Variants in BRPF3 observed in about 807,000 individuals in gnomAD.
The protein encoded by BRPF3 is bromodomain and PHD finger containing 3.
Under a neutral mutation model 102.0 loss-of-function variants are expected in BRPF3, and 18 were observed. The observed-to-expected ratio is 0.18, with a 90% CI of 0.12 to 0.26. The LOEUF (loss-of-function observed/expected upper bound fraction) is 0.26, where lower values mean the gene tolerates loss of function less well. Ranked by LOEUF, BRPF3 falls within the 10% of genes least tolerant of loss-of-function variation. The pLI is 1.00. For missense variants in BRPF3, 1,147 were observed against 1,567.8 expected, an observed-to-expected ratio of 0.73 and a Z score of 4.53; for synonymous variants, 570 against 614.2, an observed-to-expected ratio of 0.93 and a Z score of 1.06.
chr6:36,209,948 CT>C (rs1768041055), intron 5 of BRPF3, 33 bp downstream of exon 5: 2 of 1,611,326 alleles, frequency 1.2e-6, no homozygotes, highest in Non-Finnish European at 1.7e-6. Flanking sequence ...GTAGTAAATT[CT>C]TCTTGAACTG....
Position 36,214,352 on chromosome 6 carries a change from A to AG in BRPF3, c.2959dup (p.Glu987GlyfsTer25). ...GGAGCAGGAGCTGTAGTGAGAGCGA[A>AG]GGGGAGAGGTCCCCCCAGCAGGAGG... is the stretch of plus-strand genomic sequence containing the variant. On this transcript the variant is annotated frameshift_variant, in exon 8 of 13. Coordinates refer to ENST00000357641, the MANE Select transcript of BRPF3 (RefSeq NM_015695.3). LOFTEE classifies it high-confidence loss of function. The AG allele has an allele frequency of 6.2e-7, 1 of 1,604,920 alleles. No homozygotes were observed. The highest frequency in any genetic ancestry group is 8.5e-7 in the Non-Finnish European group (1 of 1,175,416).
chr6:36,207,219 A>C, intron 3 of BRPF3, 94 bp from the exon 4 acceptor site: 2 of 1,513,960 alleles, frequency 1.3e-6, no homozygotes, highest in South Asian at 2.6e-5. Flanking sequence ...GAAGGGGACA[A>C]GACTTTTACC....
chr6:36,208,940 G>C (rs1768000592), intron 4 of BRPF3, among the ~76,000 whole-genome samples: 1 of 152,240 alleles, frequency 6.6e-6, no homozygotes, highest in Non-Finnish European at 1.5e-5. Flanking sequence ...GTGACCCCAT[G>C]CTGACCCAGA....
chr6:36,200,777 T>C lies in BRPF3; in HGVS notation c.455T>C (p.Val152Ala). The C allele has an allele frequency of 6.2e-7, 1 of 1,613,912 alleles. No individual in the cohort carries two copies. The highest frequency in any genetic ancestry group is 8.5e-7 in the Non-Finnish European group (1 of 1,179,986). The change falls in exon 2 of 13, where the codon GTA (valine) becomes GCA (alanine). Residue 152 changes from valine (V) to alanine (A), a missense_variant. Physicochemically the swap from Val to Ala is moderately conservative, Grantham distance 64. Transcript: ENST00000357641. This position sits in a 1 kb window ranked among gnomAD's most constrained non-coding sequence, Gnocchi z 5.3. Reference protein sequence around the residue: ...EKPPEDLDAEVEYDMDEEDLA... With the variant: ...EKPPEDLDAEAEYDMDEEDLA... ...CCACCTGAAGACCTGGATGCAGAGG[T>C]AGAGTATGACATGGATGAGGAGGAC...
At position 36,200,646 on chromosome 6, in the gene BRPF3, T is replaced by G. The variant is rs756832579; in HGVS notation, c.324T>G (p.Ser108=). 4 of 1,614,188 alleles carry G rather than the reference T, an allele frequency of 2.5e-6. No homozygotes were observed. Among genetic ancestry groups the G allele is most frequent in the Non-Finnish European group, 3.4e-6 (4 of 1,180,030 alleles). Residue 108 remains serine, a synonymous_variant, in exon 2 of 13, where the codon TCT becomes TCG. Transcript: ENST00000357641. The surrounding 1 kb of genome is among the most constrained non-coding windows in gnomAD (Gnocchi z 5.3). ...AGGAATCCTGCTCCAAGCATGCATC[T>G]GGTACTTCCTTCCACCTCCCACAGC... ...KKKESCSKHA[S]GTSFHLPQPS...
Position 36,231,047 on chromosome 6 carries a change from T to A in BRPF3, c.*438T>A, listed in dbSNP as rs1768924407. ...GGATACGCCAGGGTCCCAGGGGGAATCTCCCCAAGCTCACACTCTCTCCCG... is the reference window on the plus strand; with the variant it reads ...GGATACGCCAGGGTCCCAGGGGGAAACTCCCCAAGCTCACACTCTCTCCCG... On this transcript the variant is annotated 3_prime_UTR_variant, in exon 13 of 13. Coordinates refer to ENST00000357641, the MANE Select transcript of BRPF3 (RefSeq NM_015695.3). 1 of 165,522 alleles carries A rather than the reference T, an allele frequency of 6.0e-6. No individual in the cohort carries two copies. Among genetic ancestry groups the A allele is most frequent in the South Asian group, 1.7e-4 (1 of 5,968 alleles). 10.3% of individuals were successfully genotyped at this position (165,522 alleles called of 1,614,324 possible). A position where few individuals can be genotyped will look rare whatever the true frequency, so the allele number is the denominator to read the frequency against.
At chr6:36,198,121 T>C (rs1204209269) in intron 1 of BRPF3, among the ~76,000 whole-genome samples, 1 of 152,212 alleles carries the variant, frequency 6.6e-6, no homozygotes, top group African/African-American at 2.4e-5. Context: ...CAAGGGCCTC[T>C]GGAACCCGGA....
intron 8 of BRPF3, among the ~76,000 whole-genome samples, chr6:36,215,504 T>G (rs1441340207): frequency 6.6e-6 from 1 of 152,178 alleles, no homozygotes; most frequent in African/African-American, 2.4e-5. Context: ...CTCTGGAAGG[T>G]TCACAGGCCA....
chr6:36,213,723 A>C (rs1429896064), intron 7 of BRPF3, 157 bp from the exon 8 acceptor site: 19 of 809,678 alleles, frequency 2.3e-5, no homozygotes, highest in Non-Finnish European at 3.5e-5. Flanking sequence ...AAAAAACCTA[A>C]TCCTCCTTTC....
chr6:36,218,052 C>A, intron 9 of BRPF3, 42 bp downstream of exon 9: 5 of 1,544,046 alleles, frequency 3.2e-6, no homozygotes, highest in Non-Finnish European at 4.4e-6. Flanking sequence ...GCTCTGCTAC[C>A]CCTCCTTTTA....
rs1227931246 is a variant in BRPF3 at position 36,200,169 on chromosome 6, A to G, written c.-26-128A>G. The G allele has an allele frequency of 2.6e-6, 3 of 1,175,288 alleles. No individual in the cohort carries two copies. Among genetic ancestry groups the G allele is most frequent in the African/African-American group, 1.6e-5 (1 of 64,508 alleles). The allele number at this position is 1,175,288 out of a possible 1,614,324, so 72.8% of individuals were successfully genotyped here. On this transcript the variant is annotated intron_variant, in intron 1 of 12. Coordinates refer to ENST00000357641, the MANE Select transcript of BRPF3 (RefSeq NM_015695.3). This position sits in a 1 kb window ranked among gnomAD's most constrained non-coding sequence, Gnocchi z 5.3. ...GGAAGTGAAGGAGCAAGCCATGTGG[A>G]TGCCTGAGGGGCAAGTTGTTCAGAC...
In BRPF3 at chr6:36,200,666, C is replaced by T; in HGVS notation, c.344C>T (p.Pro115Leu). 1 of 1,614,210 alleles carries T rather than the reference C, an allele frequency of 6.2e-7. No individual in the cohort carries two copies. Among genetic ancestry groups the T allele is most frequent in the Non-Finnish European group, 8.5e-7 (1 of 1,180,038 alleles). ...KHASGTSFHL[P>L]QPSFRMVDSG... ...GCATCTGGTACTTCCTTCCACCTCC[C>T]ACAGCCCAGCTTCCGTATGGTGGAC... Residue 115 changes from proline to leucine, a missense_variant, in exon 2 of 13, where the codon CCA becomes CTA. By Grantham distance (98) the Pro-to-Leu change is moderately conservative. Coordinates refer to ENST00000357641, the MANE Select transcript of BRPF3 (RefSeq NM_015695.3). The surrounding 1 kb of genome is among the most constrained non-coding windows in gnomAD (Gnocchi z 5.3).
chr6:36,214,217 A>G lies in BRPF3; in HGVS notation c.2820A>G (p.Leu940=), dbSNP rs377077625. The G allele has an allele frequency of 1.4e-5, 23 of 1,614,100 alleles. No individual in the cohort carries two copies. The highest frequency in any genetic ancestry group is 1.9e-5 in the Non-Finnish European group (22 of 1,180,036). ...LFKKAKNGVK[L]QRSPDRVLEN... ...AGAAGGCCAAGAATGGGGTTAAGCT[A>G]CAGAGAAGCCCAGACAGGGTCCTGG... is the stretch of plus-strand genomic sequence containing the variant. Residue 940 remains leucine (L), a synonymous_variant, in exon 8 of 13, where the codon CTA becomes CTG. Transcript: ENST00000357641.
chr6:36,208,799 T>C (rs886427127), intron 4 of BRPF3, among the ~76,000 whole-genome samples: 3 of 152,222 alleles, frequency 2.0e-5, no homozygotes, highest in African/African-American at 7.2e-5. Context: ...GGTGGAAATT[T>C]TCTATAGTCT....
chr6:36,223,813 T>C (rs976667821), intron 10 of BRPF3, among the ~76,000 whole-genome samples: 11 of 152,200 alleles, frequency 7.2e-5, no homozygotes, highest in African/African-American at 2.7e-4. Context: ...TTAAAGTTAT[T>C]TTTCTCAGAA....
Position 36,207,426 on chromosome 6 carries a change from G to A in BRPF3, c.1719G>A (p.Glu573=). The A allele has an allele frequency of 6.2e-7, 1 of 1,614,078 alleles. No individual in the cohort carries two copies. Among genetic ancestry groups the A allele is most frequent in the Non-Finnish European group, 8.5e-7 (1 of 1,179,956 alleles). The change falls in exon 4 of 13, where the codon GAG becomes GAA. Residue 573 remains glutamate, a synonymous_variant. Coordinates refer to ENST00000357641, the MANE Select transcript of BRPF3 (RefSeq NM_015695.3). ...TGATTGAGCTGATTCGGAAGAGAGA[G>A]AAGCTCAAACGAGAGCAGGTAAGGA... is the stretch of plus-strand genomic sequence containing the variant. ...RLLIELIRKR[E]KLKREQVKVQ...
At chr6:36,222,047 T>TCCTCCCTGAAGAGTTTTTGC (rs1476885499) in intron 9 of BRPF3, 121 bp from the exon 10 acceptor site, 12 of 912,918 alleles carry the variant, frequency 1.3e-5, no homozygotes, top group African/African-American at 5.0e-5. Context: ...TGAGAAACTG[T>TCCTCCCTGAAGAGTTTTTGC]CCTCCCTGAA....
At chr6:36,211,585 G>C (rs1163119966) in intron 7 of BRPF3, 25 bp downstream of exon 7, 1 of 1,545,542 alleles carries the variant, frequency 6.5e-7, no homozygotes, top group Non-Finnish European at 8.8e-7. Context: ...CAGGCAGGCA[G>C]GGGGTTGGAG....
At position 36,200,339 on chromosome 6, in the gene BRPF3, G is replaced by A. The variant is rs748953638; in HGVS notation, c.17G>A (p.Arg6Gln). 3.7e-5 allele frequency: 59 copies of A among 1,613,614 alleles called. No homozygotes were observed. The highest frequency in any genetic ancestry group is 1.3e-4 in the African/African-American group (10 of 74,920). The change falls in exon 2 of 13, where the codon CGG (arginine) becomes CAG (glutamine). Residue 6 changes from arginine to glutamine, a missense_variant. Physicochemically the swap from Arg to Gln is conservative, Grantham distance 43. Coordinates refer to ENST00000357641, the MANE Select transcript of BRPF3 (RefSeq NM_015695.3). This position sits in a 1 kb window ranked among gnomAD's most constrained non-coding sequence, Gnocchi z 5.3. The stretch of plus-strand genomic sequence containing the variant: ...CCAGGTGCCATGAGGAAGCCTCGTC[G>A]GAAGTCCCGGCAGAATGCCGAGGGC... The part of the protein sequence containing the change: MRKPR[R>Q]KSRQNAEGRR...
Sources: allele counts gnomAD v4.1 joint callset (sites outside exome capture counted in the v4.1 genomes callset), GRCh38; gene constraint gnomAD v4.1.1; non-coding constraint Gnocchi (gnomAD v3.1); transcripts MANE v1.5; gene names NCBI Gene and HGNC (gene_info 2026-07-23, HGNC 2026-07-21).